Variants in DLEC1 observed in about 807,000 individuals in gnomAD.
The protein encoded by DLEC1 is DLEC1 cilia and flagella associated protein, also known as deleted in lung and esophageal cancer protein 1.
A neutral mutation model predicts 198.1 loss-of-function variants in DLEC1; 146 were observed. That is an observed-to-expected ratio of 0.74 (90% CI 0.64 to 0.85). The LOEUF (loss-of-function observed/expected upper bound fraction) is 0.85. DLEC1 is among the 40% of genes least tolerant of loss of function. The probability of loss-of-function intolerance (pLI) is 0.00; values close to 1 mark genes in which losing one functional copy is unlikely to be tolerated. For synonymous variants in DLEC1, 897 were observed against 866.8 expected (o/e 1.03, Z -0.61); for missense variants, 2,233 against 2,220.0 (o/e 1.01, Z -0.12).
chr3:38,114,523 G>A, intron 26 of DLEC1, 63 bp downstream of exon 26: 2 of 1,544,466 alleles, frequency 1.3e-6, no homozygotes, highest in East Asian at 2.3e-5. Context: ...CGGCCTCCGG[G>A]CTGGGCTGCC....
At chr3:38,106,782 C>G (rs921819807) in intron 19 of DLEC1, among the ~76,000 whole-genome samples, 1 of 144,118 alleles carries the variant, frequency 6.9e-6, no homozygotes, top group Non-Finnish European at 1.5e-5. Flanking sequence ...AAAAAAAAGA[C>G]CTTTCAACTA....
chr3:38,116,823 A>G lies in DLEC1; in HGVS notation c.4113A>G (p.Ser1371=), dbSNP rs1437326958. 6.2e-7 allele frequency: 1 copy of G among 1,613,858 alleles called. No individual in the cohort carries two copies. The highest frequency in any genetic ancestry group is 1.7e-5 in the Admixed American group (1 of 59,988). The change falls in exon 29 of 37, where the codon TCA becomes TCG. Residue 1371 remains serine, a synonymous_variant. Coordinates refer to ENST00000308059, the MANE Select transcript of DLEC1 (RefSeq NM_007335.4). ...ASNRVAQKLI[S]VILQAHEGVP... ...ATAGGGTGGCACAGAAGCTCATCTC[A>G]GTCATCCTGCAGGCACATGAGGGGG...
At chr3:38,084,407 GGTGGTA>G (rs1698265253) in intron 7 of DLEC1, among the ~76,000 whole-genome samples, 162 bp downstream of exon 7, 1 of 4,094 alleles carries the variant, frequency 2.4e-4, no homozygotes, top group African/African-American at 4.5e-4. Context: ...TAGTAGTGGT[GGTGGTA>G]GTAGTAGTGG....
chr3:38,085,256 C>T lies in DLEC1; in HGVS notation c.1262-18C>T. ...GGCTGCTCCCAGGATCCTCACTTGT[C>T]ACTTTTGTCATGCACAGGGATGTTC... On this transcript the variant is annotated intron_variant, in intron 7 of 36. Transcript: ENST00000308059. 1 of 1,614,010 alleles carries T rather than the reference C, an allele frequency of 6.2e-7. No individual in the cohort carries two copies. Among genetic ancestry groups the T allele is most frequent in the Non-Finnish European group, 8.5e-7 (1 of 1,179,932 alleles).
chr3:38,039,327 C>G lies in DLEC1; in HGVS notation c.102C>G (p.Ser34Arg). The G allele has an allele frequency of 2.5e-6, 4 of 1,614,232 alleles. No individual in the cohort carries two copies. The highest frequency in any genetic ancestry group is 2.5e-6 in the Non-Finnish European group (3 of 1,180,028). ...WAPTSPPAGS[S>R]SPSQPTWKSS... ...CAACTTCGCCACCAGCCGGGTCCAG[C>G]AGCCCCAGCCAGCCCACCTGGAAGT... Residue 34 changes from serine (S) to arginine (R), a missense_variant, in exon 1 of 37, where the codon AGC (serine) becomes AGG (arginine). Physicochemically the swap from Ser to Arg is moderately radical, Grantham distance 110. Coordinates refer to ENST00000308059, the MANE Select transcript of DLEC1 (RefSeq NM_007335.4).
chr3:38,044,078 T>C (rs1252719707), intron 1 of DLEC1, among the ~76,000 whole-genome samples: 3 of 151,898 alleles, frequency 2.0e-5, no homozygotes, highest in African/African-American at 4.8e-5. Flanking sequence ...AGACCCCATC[T>C]CTACAAAAAA....
rs1345782605 is a variant in DLEC1 at position 38,112,511 on chromosome 3, C to T, written c.3666+150C>T. The T allele has an allele frequency of 5.0e-6, 6 of 1,197,266 alleles. No individual in the cohort carries two copies. The East Asian group carries it at 1.0e-4, about 20-fold the overall frequency. 74.2% of individuals were successfully genotyped at this position (1,197,266 alleles called of 1,614,324 possible). Reference sequence around the variant, plus strand: ...GCCCACCGAGCTTGGGATGGGCATTCGTGTCTGAGGCAGCCTCTGGGGTTC... The same window carrying T: ...GCCCACCGAGCTTGGGATGGGCATTTGTGTCTGAGGCAGCCTCTGGGGTTC... On this transcript the variant is annotated intron_variant, in intron 25 of 36. Transcript: ENST00000308059. The surrounding 1 kb of genome is among the most constrained non-coding windows in gnomAD (Gnocchi z 4.8).
At position 38,095,000 on chromosome 3, in the gene DLEC1, A is replaced by G. The variant is rs767782598; in HGVS notation, c.2041A>G (p.Ile681Val). Residue 681 changes from isoleucine (I) to valine (V), a missense_variant, in exon 13 of 37, where the codon ATC becomes GTC. Physicochemically the swap from Ile to Val is conservative, Grantham distance 29 (BLOSUM62 3). Transcript: ENST00000308059. ...CYPDKETAFS[I>V]MPRKGVLSPH... ...CCCCGACAAGGAGACTGCCTTCTCC[A>G]TCATGCCCAGAAAGGGGGTTCTAAG... 9.9e-6 allele frequency: 16 copies of G among 1,614,102 alleles called. No individual in the cohort carries two copies. The highest frequency in any genetic ancestry group is 1.3e-5 in the Non-Finnish European group (15 of 1,180,044).
intron 2 of DLEC1, among the ~76,000 whole-genome samples, chr3:38,053,219 G>A (rs1403371790): frequency 1.3e-5 from 2 of 152,154 alleles, no homozygotes; most frequent in African/African-American, 4.8e-5. Flanking sequence ...CACCCCATCT[G>A]GGAAGTGAGG....
chr3:38,065,121 G>A (rs1010363838), intron 6 of DLEC1, among the ~76,000 whole-genome samples: 5 of 152,250 alleles, frequency 3.3e-5, no homozygotes, highest in African/African-American at 4.8e-5. Context: ...CAGATCACTC[G>A]TGGTCAGGAG....
chr3:38,108,621 G>C lies in DLEC1; in HGVS notation c.3129+106G>C, dbSNP rs9862381. 3,099 of 868,112 alleles carry C rather than the reference G, an allele frequency of 3.6e-3. 66 individuals are homozygous for C. In the African/African-American group the frequency reaches 0.045, roughly 13 times the overall value. The allele number at this position is 868,112 out of a possible 1,614,324, so 53.8% of individuals were successfully genotyped here. The stretch of plus-strand genomic sequence containing the variant: ...AGCTTAGGCCACATTGCTGGTTCTT[G>C]TGGGTGGGGAAGAGATTTCTTGCAT... On this transcript the variant is annotated intron_variant, in intron 21 of 36. Transcript: ENST00000308059.
In DLEC1 at chr3:38,123,248, C is replaced by CA; in HGVS notation, c.*836_*837insA. The CA allele has an allele frequency of 1.2e-6, 1 of 867,196 alleles. No homozygotes were observed. Among genetic ancestry groups the CA allele is most frequent in the Non-Finnish European group, 1.9e-6 (1 of 536,752 alleles). 53.7% of individuals were successfully genotyped at this position (867,196 alleles called of 1,614,324 possible). Reference sequence around the variant, plus strand: ...CCATCAGACCAGATCTGTGGGCAAGCGGTACCCTGGCCTCCCACTTGGGCA... The same window carrying CA: ...CCATCAGACCAGATCTGTGGGCAAGCAGGTACCCTGGCCTCCCACTTGGGCA... On this transcript the variant is annotated 3_prime_UTR_variant, in exon 37 of 37. Transcript: ENST00000308059.
chr3:38,114,952 G>GC, intron 26 of DLEC1, 31 bp from the exon 27 acceptor site: 4 of 1,606,320 alleles, frequency 2.5e-6, no homozygotes, highest in Non-Finnish European at 3.4e-6. Context: ...GCTGGCTGTG[G>GC]CTGTACTGAG....
intron 2 of DLEC1, among the ~76,000 whole-genome samples, chr3:38,048,200 C>T (rs1435273537): frequency 1.3e-5 from 2 of 152,316 alleles, no homozygotes; most frequent in South Asian, 2.1e-4. Flanking sequence ...TCCAGGCCAT[C>T]TTGGGTATTT....
chr3:38,116,430 C>T (rs779789057), intron 27 of DLEC1, 23 bp from the exon 28 acceptor site: 4 of 1,613,568 alleles, frequency 2.5e-6, no homozygotes, highest in Non-Finnish European at 3.4e-6. Flanking sequence ...TATTCCTCAC[C>T]CTGCTCCACA....
At chr3:38,079,524 G>A (rs574108192) in intron 6 of DLEC1, among the ~76,000 whole-genome samples, 4 of 152,296 alleles carry the variant, frequency 2.6e-5, no homozygotes, top group South Asian at 2.1e-4. Context: ...GGAGGCGATC[G>A]GGCAGCATCA....
intron 2 of DLEC1, among the ~76,000 whole-genome samples, chr3:38,056,080 C>T (rs1327704003): frequency 7.6e-6 from 1 of 131,422 alleles, no homozygotes; most frequent in African/African-American, 3.0e-5. Flanking sequence ...CACACACACA[C>T]ACACACACAC....
chr3:38,097,672 C>T, intron 17 of DLEC1, 35 bp downstream of exon 17: 3 of 1,613,920 alleles, frequency 1.9e-6, no homozygotes, highest in Non-Finnish European at 2.5e-6. Flanking sequence ...GGGGTGGGCC[C>T]AGAGAGGTGG....
intron 2 of DLEC1, among the ~76,000 whole-genome samples, chr3:38,058,944 GC>G (rs2125605014): frequency 6.6e-6 from 1 of 152,266 alleles, no homozygotes; most frequent in African/African-American, 2.4e-5. Context: ...CAGTCCACTT[GC>G]CAAAGGTAGC....
Sources: gnomAD v4.1 joint callset for allele counts (sites outside exome capture counted in the v4.1 genomes callset) on GRCh38, gnomAD v4.1.1 for gene constraint, Gnocchi (gnomAD v3.1) non-coding constraint, MANE v1.5 for transcripts, NCBI Gene and HGNC (gene_info 2026-07-23, HGNC 2026-07-21) for gene names.